Variants in FSHR observed in about 807,000 individuals in gnomAD.
The protein encoded by FSHR is follicle-stimulating hormone receptor.
Under a neutral mutation model 52.1 loss-of-function variants are expected in FSHR, and 46 were observed. That is an observed-to-expected ratio of 0.88 (90% CI 0.70 to 1.13). The LOEUF is 1.13. Ranked by LOEUF, FSHR falls within the 50% of genes most tolerant of loss-of-function variation. FSHR has a pLI of 0.00. For missense variants in FSHR, 964 were observed against 834.6 expected, an observed-to-expected ratio of 1.16 and a Z score of -1.91; for synonymous variants, 399 against 309.6, an observed-to-expected ratio of 1.29 and a Z score of -3.03.
intron 8 of FSHR, among the ~76,000 whole-genome samples, chr2:48,970,610 T>A (rs573860915): frequency 1.3e-5 from 2 of 152,320 alleles, no homozygotes; most frequent in South Asian, 4.2e-4. Context: ...ATCTCATTCA[T>A]TCCCTTAGTT....
intron 4 of FSHR, among the ~76,000 whole-genome samples, chr2:49,017,139 A>G (rs954556692): frequency 7.9e-5 from 12 of 152,342 alleles, no homozygotes; most frequent in Admixed American, 3.3e-4. Context: ...AAGAGAGACA[A>G]TGGCTTTGAA....
chr2:49,139,598 ATT>A (rs35872152), intron 1 of FSHR, among the ~76,000 whole-genome samples: 192 of 139,212 alleles, frequency 1.4e-3, no homozygotes, highest in Admixed American at 1.4e-3. Flanking sequence ...ACTTCCAAGA[ATT>A]TTTTTTTTTT....
intron 2 of FSHR, among the ~76,000 whole-genome samples, chr2:49,065,350 T>G (rs1367753464): frequency 2.0e-5 from 3 of 152,168 alleles, no homozygotes; most frequent in African/African-American, 7.2e-5. Flanking sequence ...TAAGTGATGA[T>G]GAGACTTTGG....
chr2:49,003,288 T>C (rs1163241032), intron 4 of FSHR, among the ~76,000 whole-genome samples: 1 of 152,130 alleles, frequency 6.6e-6, no homozygotes, highest in African/African-American at 2.4e-5. Flanking sequence ...CACATTCTCA[T>C]GAAGGGCCAC....
At chr2:49,035,013 C>T (rs923163915) in intron 2 of FSHR, among the ~76,000 whole-genome samples, 12 of 152,326 alleles carry the variant, frequency 7.9e-5, no homozygotes, top group Middle Eastern at 6.8e-3. Context: ...TCACGCAATG[C>T]TGCAGATGGG....
chr2:49,047,984 G>A (rs1158480187), intron 2 of FSHR, among the ~76,000 whole-genome samples: 1 of 152,070 alleles, frequency 6.6e-6, no homozygotes, highest in African/African-American at 2.4e-5. Flanking sequence ...GTTCAAGTGA[G>A]TCTCCTGCCT....
At chr2:49,088,513 T>C (rs1305087410) in intron 1 of FSHR, among the ~76,000 whole-genome samples, 11 of 152,238 alleles carry the variant, frequency 7.2e-5, no homozygotes, top group Admixed American at 7.2e-4. Flanking sequence ...GCCCTTACTT[T>C]TGCTCTGTCA....
chr2:49,127,872 T>TTCTTCC (rs1672110248), intron 1 of FSHR, among the ~76,000 whole-genome samples: 1 of 45,486 alleles, frequency 2.2e-5, no homozygotes, highest in Admixed American at 3.2e-4. Flanking sequence ...CTTCTTCTTC[T>TTCTTCC]TCTTCTTCTT....
intron 1 of FSHR, among the ~76,000 whole-genome samples, chr2:49,145,975 G>A (rs1672854715): frequency 6.6e-6 from 1 of 152,034 alleles, no homozygotes; most frequent in South Asian, 2.1e-4. Flanking sequence ...AGCACATAGA[G>A]CATAGGGTTG....
chr2:49,001,457 A>G lies in FSHR; in HGVS notation c.375-10820T>C, dbSNP rs114395704. Among the ~76,000 whole-genome samples the G allele has an allele frequency of 6.7e-3, 1,019 of 152,248 alleles. 8 individuals carry two copies. The highest frequency in any genetic ancestry group is 0.024 in the African/African-American group (984 of 41,560). On this transcript the variant is annotated intron_variant, in intron 4 of 9. Coordinates refer to ENST00000406846, the MANE Select transcript of FSHR (RefSeq NM_000145.4). ...AAAGATATCTCTAGGTGAGATTCGC[A>G]GCTAACAGAGTTGCCAAGCAGCAAA...
chr2:49,135,901 C>T (rs1304973248), intron 1 of FSHR, among the ~76,000 whole-genome samples: 1 of 151,890 alleles, frequency 6.6e-6, no homozygotes, highest in Non-Finnish European at 1.5e-5. Flanking sequence ...TTATCCTTGT[C>T]ATCTTCACAT....
chr2:49,142,879 G>A (rs533974742), intron 1 of FSHR, among the ~76,000 whole-genome samples: 8 of 152,250 alleles, frequency 5.3e-5, no homozygotes, highest in South Asian at 4.1e-4. Flanking sequence ...TGACATGTGC[G>A]TTTATACAGA....
chr2:49,018,847 ACC>A (rs1403400713), intron 3 of FSHR, among the ~76,000 whole-genome samples: 1 of 141,624 alleles, frequency 7.1e-6, no homozygotes, highest in East Asian at 2.1e-4. Flanking sequence ...ACACACACAC[ACC>A]TGTGTGTCTA....
rs570518756 is a variant in FSHR, at chr2:49,043,890, T to A, written c.225-23730A>T. ...CCGCCACTCAGAACACTTTCCCCTC[T>A]CTTCTTTGATAATGGAAATCCTACT... On this transcript the variant is annotated intron_variant, in intron 2 of 9. Transcript: ENST00000406846. Among the ~76,000 whole-genome samples the A allele has an allele frequency of 1.5e-3, 225 of 152,282 alleles. 2 individuals carry two copies. The highest frequency in any genetic ancestry group is 2.5e-3 in the South Asian group (12 of 4,824).
At chr2:49,078,472 G>A (rs1670036889) in intron 1 of FSHR, among the ~76,000 whole-genome samples, 1 of 152,074 alleles carries the variant, frequency 6.6e-6, no homozygotes, top group Non-Finnish European at 1.5e-5. Context: ...AAAGTAGACA[G>A]GGACAATAAA....
At chr2:49,034,275 G>A (rs1048369241) in intron 2 of FSHR, among the ~76,000 whole-genome samples, 1 of 152,212 alleles carries the variant, frequency 6.6e-6, no homozygotes, top group African/African-American at 2.4e-5. Context: ...GCTCATGAAA[G>A]CTGGTGAGAT....
chr2:48,990,526 C>G (rs1421687403), intron 5 of FSHR, 40 bp downstream of exon 5: 1 of 1,288,644 alleles, frequency 7.8e-7, no homozygotes. Flanking sequence ...AAGACAGATA[C>G]TGAGTAAAGA....
intron 2 of FSHR, among the ~76,000 whole-genome samples, chr2:49,051,155 A>G (rs1668842830): frequency 6.6e-6 from 1 of 151,946 alleles, no homozygotes; most frequent in African/African-American, 2.4e-5. Context: ...CATTTGAGTG[A>G]TTTTCTGTTT....
At chr2:49,055,489 C>G (rs1370343179) in intron 2 of FSHR, among the ~76,000 whole-genome samples, 2 of 125,230 alleles carry the variant, frequency 1.6e-5, no homozygotes, top group Admixed American at 1.9e-4. Context: ...TGAAAATTTC[C>G]CAAGTATTGG....
Sources: allele counts gnomAD v4.1 joint callset (sites outside exome capture counted in the v4.1 genomes callset), GRCh38; gene constraint gnomAD v4.1.1; transcripts MANE v1.5; gene names NCBI Gene and HGNC (gene_info 2026-07-23, HGNC 2026-07-21).